The following RUNX2 variants were observed in gnomAD, a reference collection of about 807,000 sequenced individuals.
The protein encoded by RUNX2 is RUNX family transcription factor 2.
Under a neutral mutation model 51.7 loss-of-function variants are expected in RUNX2, and 10 were observed. The observed-to-expected ratio is 0.19, with a 90% confidence interval of 0.12 to 0.33. RUNX2 has a LOEUF of 0.33. Among genes scored for constraint, RUNX2 ranks in the 10% least tolerant of loss-of-function variants. The pLI is 1.00. For synonymous variants in RUNX2, 276 were observed against 273.6 expected, an observed-to-expected ratio of 1.01 and a Z score of -0.09; for missense variants, 562 against 691.3, an observed-to-expected ratio of 0.81 and a Z score of 2.10.
At chr6:45,420,289 T>C (rs1001616497) in intron 2 of RUNX2, among the ~76,000 whole-genome samples, 3 of 152,228 alleles carry the variant, frequency 2.0e-5, no homozygotes, top group Admixed American at 2.0e-4. Flanking sequence ...GCCCCCATCT[T>C]CCGTGCCCCT....
At chr6:45,462,639 A>G (rs1799508104) in intron 5 of RUNX2, among the ~76,000 whole-genome samples, 1 of 152,212 alleles carries the variant, frequency 6.6e-6, no homozygotes, top group Non-Finnish European at 1.5e-5. Context: ...AAAACAGTAT[A>G]TTTGTAATTG....
intron 2 of RUNX2, among the ~76,000 whole-genome samples, chr6:45,379,626 G>A (rs1262013916): frequency 1.3e-5 from 2 of 152,084 alleles, no homozygotes; most frequent in Non-Finnish European, 2.9e-5. Flanking sequence ...CAGCACTTTG[G>A]GAGGCCGAGA....
intron 5 of RUNX2, among the ~76,000 whole-genome samples, chr6:45,477,938 C>T (rs977886953): frequency 1.3e-5 from 2 of 152,086 alleles, no homozygotes; most frequent in African/African-American, 4.8e-5. Context: ...CAACTGCCTT[C>T]CACCCACACA....
At chr6:45,500,353 C>A (rs1800770477) in intron 6 of RUNX2, among the ~76,000 whole-genome samples, 1 of 152,284 alleles carries the variant, frequency 6.6e-6, no homozygotes, top group East Asian at 1.9e-4. Context: ...TATGGCACTA[C>A]TCCCAGTTAG....
chr6:45,349,612 G>A (rs991546366), intron 2 of RUNX2, among the ~76,000 whole-genome samples: 4 of 152,154 alleles, frequency 2.6e-5, no homozygotes, highest in Admixed American at 6.5e-5. Context: ...ACTAAGGTTT[G>A]GGAACCATTG....
At chr6:45,441,402 A>G (rs1050099619) in intron 5 of RUNX2, among the ~76,000 whole-genome samples, 6 of 152,180 alleles carry the variant, frequency 3.9e-5, no homozygotes, top group Admixed American at 2.0e-4. Context: ...CAGGCAAGTT[A>G]CCTAACTTCT....
Position 45,411,266 on chromosome 6 carries a change from A to G in RUNX2, c.59-11327A>G, listed in dbSNP as rs1166858612. On this transcript the variant is annotated intron_variant, in intron 2 of 8. Transcript: ENST00000647337. ...TTTATTTTTCTTTTCATATATGTCTAATAAAAATGACTGACGGATTGTTTG... is the reference window on the plus strand; with the variant it reads ...TTTATTTTTCTTTTCATATATGTCTGATAAAAATGACTGACGGATTGTTTG... Among the ~76,000 whole-genome samples the G allele has an allele frequency of 3.3e-5, 5 of 152,222 alleles. No homozygotes were observed. In the East Asian group the frequency reaches 7.7e-4, roughly 23 times the overall value.
chr6:45,490,172 C>T (rs1800419274), intron 5 of RUNX2, among the ~76,000 whole-genome samples: 1 of 152,230 alleles, frequency 6.6e-6, no homozygotes, highest in Admixed American at 6.5e-5. Flanking sequence ...GAACACCTTA[C>T]TTGCCAGGGT....
intron 5 of RUNX2, among the ~76,000 whole-genome samples, chr6:45,491,603 A>G (rs1225563175): frequency 1.3e-5 from 2 of 149,272 alleles, no homozygotes; most frequent in Admixed American, 6.7e-5. Context: ...AACACCCCCA[A>G]TACACATCTC....
chr6:45,526,923 C>A (rs536958811), intron 7 of RUNX2, among the ~76,000 whole-genome samples: 27 of 152,072 alleles, frequency 1.8e-4, no homozygotes, highest in Non-Finnish European at 3.7e-4. Flanking sequence ...TATGTAAAGC[C>A]CTTAGAATAA....
intron 2 of RUNX2, among the ~76,000 whole-genome samples, chr6:45,415,381 C>T (rs555392609): frequency 6.6e-6 from 1 of 152,280 alleles, no homozygotes; most frequent in Non-Finnish European, 1.5e-5. Flanking sequence ...AGGCTGAATC[C>T]AGACCCTGCA....
intron 2 of RUNX2, among the ~76,000 whole-genome samples, chr6:45,390,114 A>G (rs938388437): frequency 2.0e-5 from 3 of 152,216 alleles, no homozygotes; most frequent in African/African-American, 4.8e-5. Flanking sequence ...CAAATTATGT[A>G]GATAACTCTC....
At chr6:45,405,287 C>T (rs1396229442) in intron 2 of RUNX2, among the ~76,000 whole-genome samples, 1 of 152,348 alleles carries the variant, frequency 6.6e-6, no homozygotes, top group East Asian at 1.9e-4. Context: ...CAAATATCAT[C>T]TCTTCATTTA....
chr6:45,380,142 C>T (rs1797204834), intron 2 of RUNX2, among the ~76,000 whole-genome samples: 1 of 152,170 alleles, frequency 6.6e-6, no homozygotes, highest in Non-Finnish European at 1.5e-5. Flanking sequence ...AATATTTTTG[C>T]ATTACATTCA....
At chr6:45,521,970 T>G (rs1211193105) in intron 7 of RUNX2, among the ~76,000 whole-genome samples, 1 of 152,230 alleles carries the variant, frequency 6.6e-6, no homozygotes, top group Non-Finnish European at 1.5e-5. Flanking sequence ...GCTGTTTTTT[T>G]GTAGATCCAA....
chr6:45,496,660 A>G lies in RUNX2; in HGVS notation c.859+4546A>G, dbSNP rs1408672803. ...TATGGGGAGTCTTGGGGGCCACAAT[A>G]GTGGCTTGGGTTTAGTTCTGATTGT... On this transcript the variant is annotated intron_variant, in intron 6 of 8. Transcript: ENST00000647337. Among the ~76,000 whole-genome samples the G allele has an allele frequency of 2.6e-5, 4 of 152,272 alleles. No individual in the cohort carries two copies. In the East Asian group the frequency reaches 7.7e-4, roughly 29 times the overall value.
Position 45,357,210 on chromosome 6 carries a change from T to A in RUNX2, c.58+28426T>A, listed in dbSNP as rs184007610. Among the ~76,000 whole-genome samples the A allele has an allele frequency of 2.8e-3, 426 of 152,232 alleles. 3 individuals are homozygous for A. The highest frequency in any genetic ancestry group is 9.7e-3 in the African/African-American group (405 of 41,540). ...TTTTAGTAGAGACGGGGTTTCACCA[T>A]GTTAGCCAGGATGGTCTCAATCTCC... On this transcript the variant is annotated intron_variant, in intron 2 of 8. Transcript: ENST00000647337.
chr6:45,412,892 T>C (rs1797982090), intron 2 of RUNX2, among the ~76,000 whole-genome samples: 1 of 152,106 alleles, frequency 6.6e-6, no homozygotes, highest in Non-Finnish European at 1.5e-5. Context: ...ACTACAGGTG[T>C]GTGCCACCAC....
At chr6:45,419,502 C>T (rs1331062861) in intron 2 of RUNX2, among the ~76,000 whole-genome samples, 2 of 152,046 alleles carry the variant, frequency 1.3e-5, no homozygotes, top group Non-Finnish European at 2.9e-5. Context: ...TGCGTGTGGA[C>T]TTGCAAGAGT....
Sources: allele counts gnomAD v4.1 joint callset (sites outside exome capture counted in the v4.1 genomes callset), GRCh38; gene constraint gnomAD v4.1.1; transcripts MANE v1.5; gene names NCBI Gene and HGNC (gene_info 2026-07-23, HGNC 2026-07-21).